Variants in WDPCP observed in about 807,000 individuals in gnomAD.
The protein encoded by WDPCP is WD repeat containing planar cell polarity effector.
In WDPCP, 71 loss-of-function variants were observed where a neutral mutation model predicts 93.1. The ratio of observed to expected loss-of-function variants is 0.76; its 90% CI spans 0.63 to 0.93. The LOEUF is 0.93. WDPCP is among the 40% of genes least tolerant of loss of function. WDPCP has a pLI of 0.00. For synonymous variants in WDPCP, 315 were observed against 315.0 expected (o/e 1.00, Z 0.00); for missense variants, 844 against 887.4 (o/e 0.95, Z 0.62).
Position 63,792,739 on chromosome 2 carries a change from G to A in WDPCP, n.308+20883C>T, listed in dbSNP as rs558176000. 4.6e-5 allele frequency among the ~76,000 whole-genome samples: 7 copies of A among 152,278 alleles called. No homozygotes were observed. The South Asian group carries it at 1.5e-3, about 32-fold the overall frequency. On this transcript the variant is annotated intron_variant and non_coding_transcript_variant, in intron 2 of 4. Transcript: ENST00000467687. ...AGTCAGAGCAGGAAGTGGAAATTAA[G>A]TAGGGGTTTCTCATCATGGCCCTTG...
At chr2:63,123,196 T>C (rs1669668710) in intron 17 of WDPCP, among the ~76,000 whole-genome samples, 2 of 152,140 alleles carry the variant, frequency 1.3e-5, no homozygotes, top group African/African-American at 4.8e-5. Flanking sequence ...TTTTAAAACA[T>C]AAGCTTCAAC....
chr2:63,542,699 A>C (rs1704835433), intron 1 of WDPCP, among the ~76,000 whole-genome samples: 2 of 152,220 alleles, frequency 1.3e-5, no homozygotes, highest in Non-Finnish European at 2.9e-5. Context: ...GAAACTTAAA[A>C]TAAATTTAAA....
At chr2:63,531,257 G>A (rs781371697) in intron 1 of WDPCP, among the ~76,000 whole-genome samples, 1 of 152,228 alleles carries the variant, frequency 6.6e-6, no homozygotes, top group Non-Finnish European at 1.5e-5. Flanking sequence ...CTCCACCTCT[G>A]GGGGCAGGGG....
chr2:63,724,883 G>C (rs1404458836), intron 2 of WDPCP, among the ~76,000 whole-genome samples: 1 of 152,180 alleles, frequency 6.6e-6, no homozygotes, highest in African/African-American at 2.4e-5. Flanking sequence ...AAATCTGTTT[G>C]TACAGAGGGG....
chr2:63,422,762 C>G (rs1285251334), intron 9 of WDPCP, among the ~76,000 whole-genome samples: 1 of 152,118 alleles, frequency 6.6e-6, no homozygotes, highest in African/African-American at 2.4e-5. Context: ...CCAAAACTGA[C>G]TACTAACTTG....
intron 2 of WDPCP, among the ~76,000 whole-genome samples, chr2:63,804,994 C>T (rs1201817810): frequency 6.6e-6 from 1 of 151,988 alleles, no homozygotes; most frequent in Non-Finnish European, 1.5e-5. Flanking sequence ...CACCCCTGTA[C>T]TCCAGCCTGG....
chr2:63,369,308 G>T, intron 12 of WDPCP: 1 of 427,236 alleles, frequency 2.3e-6, no homozygotes, highest in South Asian at 1.7e-5. Context: ...ACTAAAGAGA[G>T]CCAAGCTTGC....
chr2:63,630,324 AG>A (rs1171888886), intron 3 of WDPCP, among the ~76,000 whole-genome samples: 1 of 152,232 alleles, frequency 6.6e-6, no homozygotes. Flanking sequence ...TAAAGGCATC[AG>A]TTAAAAGACA....
intron 13 of WDPCP, among the ~76,000 whole-genome samples, chr2:63,294,803 CA>C (rs753064629): frequency 1.4e-4 from 22 of 151,880 alleles, no homozygotes; most frequent in Non-Finnish European, 3.1e-4. Flanking sequence ...AACAATGGTT[CA>C]AAATTCCACC....
chr2:63,733,448 C>G (rs1669593131), intron 2 of WDPCP, among the ~76,000 whole-genome samples: 1 of 146,586 alleles, frequency 6.8e-6, no homozygotes, highest in South Asian at 2.1e-4. Context: ...ATGATCCACC[C>G]GCCTCGGCCT....
chr2:63,203,887 T>C (rs1255042580), intron 14 of WDPCP, among the ~76,000 whole-genome samples: 2 of 152,244 alleles, frequency 1.3e-5, no homozygotes, highest in African/African-American at 4.8e-5. Flanking sequence ...CAGGATCTCA[T>C]TCTTTTTTAT....
chr2:63,396,463 A>G (rs2105088036), intron 10 of WDPCP, among the ~76,000 whole-genome samples: 1 of 152,218 alleles, frequency 6.6e-6, no homozygotes, highest in South Asian at 2.1e-4. Context: ...TGAACATGTA[A>G]CCTTTTCCTA....
At chr2:63,642,116 C>T (rs942330155) in intron 3 of WDPCP, among the ~76,000 whole-genome samples, 1 of 152,080 alleles carries the variant, frequency 6.6e-6, no homozygotes, top group Admixed American at 6.6e-5. Flanking sequence ...TTTCTGGACT[C>T]TCTATTCTGT....
chr2:63,355,708 C>T (rs1689969829), intron 12 of WDPCP, among the ~76,000 whole-genome samples: 1 of 151,910 alleles, frequency 6.6e-6, no homozygotes, highest in Non-Finnish European at 1.5e-5. Flanking sequence ...GGTGAGACCC[C>T]CCAACCCCCA....
chr2:63,426,928 C>G (rs537436778), intron 9 of WDPCP, among the ~76,000 whole-genome samples: 1 of 151,980 alleles, frequency 6.6e-6, no homozygotes, highest in East Asian at 1.9e-4. Flanking sequence ...AAAAAAGAGC[C>G]GGGGCCACTA....
intron 17 of WDPCP, among the ~76,000 whole-genome samples, chr2:63,150,328 G>A (rs1671804995): frequency 6.6e-6 from 1 of 152,162 alleles, no homozygotes; most frequent in Non-Finnish European, 1.5e-5. Flanking sequence ...CCCCCCAGGA[G>A]ACATTTGGCA....
intron 17 of WDPCP, among the ~76,000 whole-genome samples, chr2:63,141,520 G>C (rs930091175): frequency 2.6e-5 from 4 of 152,198 alleles, no homozygotes; most frequent in Admixed American, 2.6e-4. Context: ...GTTAGCTAGA[G>C]CTAGTAGTTG....
intron 14 of WDPCP, among the ~76,000 whole-genome samples, chr2:63,242,069 C>T (rs1206829150): frequency 6.6e-6 from 1 of 152,108 alleles, no homozygotes; most frequent in African/African-American, 2.4e-5. Flanking sequence ...ATTAAATACA[C>T]TAAAATAACT....
chr2:63,290,224 AACAT>A (rs748298335), intron 13 of WDPCP, among the ~76,000 whole-genome samples: 4 of 152,008 alleles, frequency 2.6e-5, no homozygotes, highest in Non-Finnish European at 4.4e-5. Flanking sequence ...TTTTTAAAGC[AACAT>A]ACCTATTTAC....
Sources: allele counts gnomAD v4.1 joint callset (sites outside exome capture counted in the v4.1 genomes callset), GRCh38; gene constraint gnomAD v4.1.1; transcripts MANE v1.5; gene names NCBI Gene and HGNC (gene_info 2026-07-23, HGNC 2026-07-21).